Variants in ZFPM2 observed in about 807,000 individuals in gnomAD.
ZFPM2 encodes zinc finger protein ZFPM2.
Under a neutral mutation model 98.6 loss-of-function variants are expected in ZFPM2, and 20 were observed. That is an observed-to-expected ratio of 0.20 (90% CI 0.14 to 0.29). The LOEUF (loss-of-function observed/expected upper bound fraction) is 0.29. Ranked by LOEUF, ZFPM2 falls within the 10% of genes least tolerant of loss-of-function variation. The pLI is 1.00. For synonymous variants in ZFPM2, 518 were observed against 502.7 expected (o/e 1.03, Z -0.41); for missense variants, 1,310 against 1,388.6 (o/e 0.94, Z 0.90).
intron 4 of ZFPM2, among the ~76,000 whole-genome samples, chr8:105,629,362 A>G (rs957963267): frequency 2.0e-5 from 3 of 152,242 alleles, no homozygotes; most frequent in African/African-American, 7.2e-5. Flanking sequence ...GTGGAATAAC[A>G]AGGTATATTT....
At chr8:105,788,227 C>A (rs1813479548) in intron 5 of ZFPM2, among the ~76,000 whole-genome samples, 1 of 152,018 alleles carries the variant, frequency 6.6e-6, no homozygotes, top group Non-Finnish European at 1.5e-5. Context: ...TTTACTTGTT[C>A]TGTAGTTTGG....
At chr8:105,420,881 C>A (rs1167624958) in intron 2 of ZFPM2, among the ~76,000 whole-genome samples, 1 of 151,908 alleles carries the variant, frequency 6.6e-6, no homozygotes, top group Non-Finnish European at 1.5e-5. Flanking sequence ...TGGATTTATA[C>A]CTTTTGTCAA....
chr8:105,469,816 A>G lies in ZFPM2; in HGVS notation c.301+25435A>G, dbSNP rs189962497. Among the ~76,000 whole-genome samples, 761 of 152,292 alleles carry G rather than the reference A, an allele frequency of 5.0e-3. 1 individual carries two copies. Among genetic ancestry groups the G allele is most frequent in the Non-Finnish European group, 8.2e-3 (561 of 68,028 alleles). On this transcript the variant is annotated intron_variant, in intron 3 of 7. Coordinates refer to ENST00000407775, the MANE Select transcript of ZFPM2 (RefSeq NM_012082.4). Reference sequence around the variant, plus strand: ...CCCATGTTTTGTGCATGGGTTATATATTTTCATAATTTGCCCAATATCACA... The same window carrying G: ...CCCATGTTTTGTGCATGGGTTATATGTTTTCATAATTTGCCCAATATCACA...
chr8:105,417,923 A>C (rs1811710463), intron 1 of ZFPM2, among the ~76,000 whole-genome samples: 1 of 152,158 alleles, frequency 6.6e-6, no homozygotes, highest in African/African-American at 2.4e-5. Flanking sequence ...ACTCTGTAAG[A>C]AATTTTTAGT....
intron 4 of ZFPM2, among the ~76,000 whole-genome samples, chr8:105,614,167 A>G (rs1180131421): frequency 1.3e-5 from 2 of 152,204 alleles, no homozygotes; most frequent in Non-Finnish European, 2.9e-5. Context: ...AATTCCAGGC[A>G]TACACATTAT....
intron 2 of ZFPM2, among the ~76,000 whole-genome samples, chr8:105,431,038 G>T (rs1199568815): frequency 6.6e-6 from 1 of 151,822 alleles, no homozygotes; most frequent in African/African-American, 2.4e-5. Context: ...TGAGTAGCTG[G>T]GACTACAGGC....
chr8:105,458,301 A>G (rs1415581619), intron 3 of ZFPM2, among the ~76,000 whole-genome samples: 3 of 152,224 alleles, frequency 2.0e-5, no homozygotes, highest in East Asian at 1.9e-4. Context: ...ACATACCTTT[A>G]TCTTTGGGTA....
intron 7 of ZFPM2, 34 bp from the exon 8 acceptor site, chr8:105,801,013 T>C (rs1358939123): frequency 6.4e-7 from 1 of 1,570,102 alleles, no homozygotes; most frequent in East Asian, 2.3e-5. Flanking sequence ...AACACACATG[T>C]TTCTCATTGT....
At chr8:105,493,987 A>G (rs1289384075) in intron 3 of ZFPM2, among the ~76,000 whole-genome samples, 1 of 151,410 alleles carries the variant, frequency 6.6e-6, no homozygotes, top group Non-Finnish European at 1.5e-5. Flanking sequence ...CTATCTTCAT[A>G]TTGTTGGGGT....
At chr8:105,796,850 TC>T (rs1813834544) in intron 6 of ZFPM2, 1 of 152,224 alleles carries the variant, frequency 6.6e-6, no homozygotes, top group African/African-American at 2.4e-5. Context: ...TTATCTGGCA[TC>T]CCTCTGGATG....
intron 1 of ZFPM2, among the ~76,000 whole-genome samples, chr8:105,369,685 G>T (rs951237995): frequency 9.2e-5 from 14 of 152,028 alleles, no homozygotes; most frequent in African/African-American, 3.4e-4. Flanking sequence ...TCTAAAAAGG[G>T]GGTCAGGTTT....
At chr8:105,613,554 A>G (rs1295691412) in intron 4 of ZFPM2, among the ~76,000 whole-genome samples, 1 of 152,180 alleles carries the variant, frequency 6.6e-6, no homozygotes, top group Non-Finnish European at 1.5e-5. Context: ...GAAAAATGAA[A>G]TACAAAAGTA....
At chr8:105,365,796 G>A (rs145506446) in intron 1 of ZFPM2, among the ~76,000 whole-genome samples, 32 of 152,212 alleles carry the variant, frequency 2.1e-4, no homozygotes, top group African/African-American at 6.7e-4. Context: ...CTTGGGCTTC[G>A]ATATGCAAAA....
At chr8:105,592,993 T>C (rs752292790) in intron 4 of ZFPM2, among the ~76,000 whole-genome samples, 3 of 152,176 alleles carry the variant, frequency 2.0e-5, no homozygotes, top group Non-Finnish European at 4.4e-5. Context: ...ATTTTTGTTA[T>C]TTAGGTTTCT....
At chr8:105,642,515 G>T (rs1167545045) in intron 5 of ZFPM2, among the ~76,000 whole-genome samples, 1 of 151,972 alleles carries the variant, frequency 6.6e-6, no homozygotes, top group African/African-American at 2.4e-5. Context: ...AGAAATCTTT[G>T]CCTTATCCAC....
chr8:105,544,481 A>G (rs1374733676), intron 3 of ZFPM2, among the ~76,000 whole-genome samples: 2 of 152,130 alleles, frequency 1.3e-5, no homozygotes, highest in Non-Finnish European at 2.9e-5. Context: ...AATCTTGTTT[A>G]TATTATTCTC....
At chr8:105,582,308 T>C (rs777714194) in intron 4 of ZFPM2, among the ~76,000 whole-genome samples, 13 of 152,144 alleles carry the variant, frequency 8.5e-5, no homozygotes, top group Non-Finnish European at 1.9e-4. Flanking sequence ...AGTAGAAACA[T>C]AATTAATTCA....
chr8:105,464,710 T>G (rs1812765531), intron 3 of ZFPM2, among the ~76,000 whole-genome samples: 1 of 151,606 alleles, frequency 6.6e-6, no homozygotes. Flanking sequence ...ATCAAAGCAG[T>G]GCTGATTGAA....
intron 5 of ZFPM2, among the ~76,000 whole-genome samples, chr8:105,754,946 A>ATGTGTGTGTGTGTGTGTG: frequency 6.8e-6 from 1 of 146,550 alleles, no homozygotes; most frequent in Non-Finnish European, 1.5e-5. Context: ...GAAATTTAAT[A>ATGTGTGTGTGTGTGTGTG]TGTGTGTGTG....
Sources: gnomAD v4.1 joint callset for allele counts (sites outside exome capture counted in the v4.1 genomes callset) on GRCh38, gnomAD v4.1.1 for gene constraint, MANE v1.5 for transcripts, NCBI Gene and HGNC (gene_info 2026-07-23, HGNC 2026-07-21) for gene names.